Variants in AGPAT5 observed in about 807,000 individuals in gnomAD.
AGPAT5 encodes the protein 1-acyl-sn-glycerol-3-phosphate acyltransferase epsilon.
Under a neutral mutation model 45.6 loss-of-function variants are expected in AGPAT5, and 46 were observed. That is an observed-to-expected ratio of 1.01 (90% CI 0.80 to 1.29). AGPAT5 has a LOEUF of 1.29. Among genes scored for constraint, AGPAT5 ranks in the 50% most tolerant of loss-of-function variants. The pLI, the probability that AGPAT5 is intolerant of heterozygous loss-of-function variation, is 0.00. For synonymous variants in AGPAT5, 272 were observed against 167.0 expected, an observed-to-expected ratio of 1.63 and a Z score of -4.85; for missense variants, 673 against 450.7, an observed-to-expected ratio of 1.49 and a Z score of -4.47.
intron 4 of AGPAT5, among the ~76,000 whole-genome samples, chr8:6,733,680 A>C (rs1800944792): frequency 2.0e-5 from 3 of 152,204 alleles, no homozygotes. Flanking sequence ...CAAAAGACAG[A>C]ATAAGTTGGT....
In AGPAT5 at chr8:6,735,848, C is replaced by CTTTTTTTTTTT. The variant is rs1563295313; in HGVS notation, c.495+3198_495+3199insTTTTTTTTTTT. ...GTGTTCCTGTTTATTCTTTATATAG[C>CTTTTTTTTTTT]CTTTTTTTTTTTTTTTTTTTTTTTG... On this transcript the variant is annotated intron_variant, in intron 4 of 7. Transcript: ENST00000285518. Among the ~76,000 whole-genome samples the CTTTTTTTTTTT allele has an allele frequency of 2.4e-4, 13 of 53,632 alleles. 4 individuals are homozygous for CTTTTTTTTTTT. The highest frequency in any genetic ancestry group is 5.8e-4 in the Admixed American group (2 of 3,420). The allele number at this position is 53,632 out of a possible 152,430, so 35.2% of individuals were successfully genotyped here.
rs972652917 is a variant in AGPAT5 at position 6,760,948 on chromosome 8, G to T, written c.*3560G>T. The stretch of plus-strand genomic sequence containing the variant: ...GTCTGTACAATCGCTAATTTACTCA[G>T]TTTAGAGTAGCTACAACTCTTCGAT... On this transcript the variant is annotated 3_prime_UTR_variant, in exon 8 of 8. Transcript: ENST00000285518. Among the ~76,000 whole-genome samples, 1 of 152,116 alleles carries T rather than the reference G, an allele frequency of 6.6e-6. No homozygotes were observed. The highest frequency in any genetic ancestry group is 2.4e-5 in the African/African-American group (1 of 41,422).
intron 1 of AGPAT5, among the ~76,000 whole-genome samples, chr8:6,720,184 C>T (rs928949638): frequency 2.0e-5 from 3 of 152,034 alleles, no homozygotes; most frequent in African/African-American, 7.2e-5. Flanking sequence ...TGACCATGTG[C>T]TGTGGGAGTC....
At chr8:6,720,719 G>C (rs1476247691) in intron 1 of AGPAT5, among the ~76,000 whole-genome samples, 1 of 152,184 alleles carries the variant, frequency 6.6e-6, no homozygotes, top group Non-Finnish European at 1.5e-5. Flanking sequence ...TGGAGACCCT[G>C]ATGATTCAGT....
intron 4 of AGPAT5, among the ~76,000 whole-genome samples, chr8:6,733,750 A>G (rs890431622): frequency 6.6e-6 from 1 of 152,196 alleles, no homozygotes; most frequent in South Asian, 2.1e-4. Context: ...ATACCTTAAA[A>G]TGTCCATCCC....
intron 1 of AGPAT5, among the ~76,000 whole-genome samples, chr8:6,715,466 C>T (rs578032441): frequency 2.6e-5 from 4 of 152,168 alleles, no homozygotes; most frequent in African/African-American, 7.2e-5. Flanking sequence ...CACACTCAGT[C>T]GCAGTTAGTG....
chr8:6,755,109 A>G lies in AGPAT5; in HGVS notation c.804A>G (p.Lys268=). The G allele has an allele frequency of 6.2e-7, 1 of 1,607,646 alleles. No individual in the cohort carries two copies. Among genetic ancestry groups the G allele is most frequent in the Non-Finnish European group, 8.5e-7 (1 of 1,178,528 alleles). ...IHIHIDRIDK[K]DVPEEQEHMR... is the part of the protein sequence containing the mutation. ...TTCACATTGATCGTATCGACAAAAA[A>G]GATGTCCCAGAAGAACAAGAACATA... is the stretch of plus-strand genomic sequence containing the variant. Residue 268 remains lysine, a synonymous_variant, in exon 7 of 8, where the codon AAA becomes AAG. Transcript: ENST00000285518.
intron 1 of AGPAT5, among the ~76,000 whole-genome samples, chr8:6,712,796 C>T (rs146772200): frequency 9.2e-5 from 14 of 152,244 alleles, no homozygotes; most frequent in African/African-American, 1.7e-4. Flanking sequence ...TAACTGTAAT[C>T]GTTATGATAA....
At chr8:6,740,592 A>G (rs1406172310) in intron 4 of AGPAT5, among the ~76,000 whole-genome samples, 1 of 151,662 alleles carries the variant, frequency 6.6e-6, no homozygotes, top group Non-Finnish European at 1.5e-5. Context: ...AGACTATTAT[A>G]TGAATGAACA....
At chr8:6,737,634 C>G (rs1000225356) in intron 4 of AGPAT5, among the ~76,000 whole-genome samples, 1 of 152,192 alleles carries the variant, frequency 6.6e-6, no homozygotes, top group African/African-American at 2.4e-5. Context: ...ATGGCACAAA[C>G]ATGGAGACTT....
intron 7 of AGPAT5, among the ~76,000 whole-genome samples, chr8:6,755,873 T>C (rs1205621843): frequency 6.6e-6 from 1 of 152,212 alleles, no homozygotes; most frequent in Non-Finnish European, 1.5e-5. Context: ...TCATTGACTC[T>C]TAACTGTACA....
At chr8:6,725,471 A>G (rs1404177816) in intron 2 of AGPAT5, among the ~76,000 whole-genome samples, 1 of 152,208 alleles carries the variant, frequency 6.6e-6, no homozygotes, top group Non-Finnish European at 1.5e-5. Flanking sequence ...AGTGCAGTAT[A>G]TACTTTAGGT....
chr8:6,730,861 T>C lies in AGPAT5; in HGVS notation c.405+35T>C, dbSNP rs776709053. 5.0e-6 allele frequency: 7 copies of C among 1,407,452 alleles called. No homozygotes were observed. The African/African-American group carries it at 1.1e-4, about 22-fold the overall frequency. 87.2% of individuals were successfully genotyped at this position (1,407,452 alleles called of 1,614,324 possible). ...TTCCATGCTTTTCTCTCTATATATG[T>C]AGTTTATAAATTTTTTTTTTTTTTT... is the stretch of plus-strand genomic sequence containing the variant. On this transcript the variant is annotated intron_variant, in intron 3 of 7. Coordinates refer to ENST00000285518, the MANE Select transcript of AGPAT5 (RefSeq NM_018361.5).
chr8:6,732,573 T>C lies in AGPAT5; in HGVS notation c.418T>C (p.Tyr140His). ...GCYFAQHGGIYVKRSAKFNEK... is the reference protein window; with the variant it reads ...GCYFAQHGGIHVKRSAKFNEK... ...TTGATTGTGGCAGCATGGAGGAATCTATGTAAAGCGCAGTGCCAAATTTAA... is the reference window on the plus strand; with the variant it reads ...TTGATTGTGGCAGCATGGAGGAATCCATGTAAAGCGCAGTGCCAAATTTAA... Residue 140 changes from tyrosine (Y) to histidine (H), a missense_variant, in exon 4 of 8, where the codon TAT becomes CAT. By Grantham distance (83) the Tyr-to-His change is moderately conservative. Transcript: ENST00000285518. 2 of 1,603,964 alleles carry C rather than the reference T, an allele frequency of 1.2e-6. No homozygotes were observed. Among genetic ancestry groups the C allele is most frequent in the Non-Finnish European group, 1.7e-6 (2 of 1,177,348 alleles).
intron 3 of AGPAT5, 128 bp downstream of exon 3, chr8:6,730,954 G>C (rs1800842753): frequency 4.1e-6 from 2 of 486,894 alleles, no homozygotes; most frequent in Middle Eastern, 5.7e-4. Flanking sequence ...CTGCAGCCTT[G>C]ACCTCTGGGG....
intron 4 of AGPAT5, among the ~76,000 whole-genome samples, chr8:6,734,770 T>A (rs1048360472): frequency 6.6e-6 from 1 of 151,948 alleles, no homozygotes; most frequent in African/African-American, 2.4e-5. Flanking sequence ...GCCTTTAGTG[T>A]TGAGGAGTGG....
chr8:6,722,432 T>C (rs995561517), intron 1 of AGPAT5, among the ~76,000 whole-genome samples: 2 of 152,254 alleles, frequency 1.3e-5, no homozygotes, highest in Admixed American at 6.5e-5. Flanking sequence ...AAGATTTGCA[T>C]GTGGAAGACA....
intron 5 of AGPAT5, chr8:6,746,296 G>C (rs745464357): frequency 1.3e-5 from 2 of 152,190 alleles, no homozygotes; most frequent in Non-Finnish European, 1.5e-5. Context: ...TCCCCTTCTA[G>C]TTATGGTGTG....
intron 2 of AGPAT5, among the ~76,000 whole-genome samples, chr8:6,727,116 C>T (rs550798926): frequency 1.2e-4 from 19 of 152,230 alleles, no homozygotes; most frequent in Non-Finnish European, 2.5e-4. Flanking sequence ...ATGTAATTAG[C>T]GGAAAGAATA....
Sources: gnomAD v4.1 joint callset for allele counts (sites outside exome capture counted in the v4.1 genomes callset) on GRCh38, gnomAD v4.1.1 for gene constraint, MANE v1.5 for transcripts, NCBI Gene and HGNC (gene_info 2026-07-23, HGNC 2026-07-21) for gene names.